The following CADM2 variants were observed in gnomAD, a reference collection of about 807,000 sequenced individuals.
CADM2 encodes the protein cell adhesion molecule 2, also known as immunoglobulin superfamily member 4D.
CADM2 carries 12 observed loss-of-function variants against 49.8 expected under a neutral mutation model. The observed-to-expected ratio is 0.24, with a 90% CI of 0.15 to 0.39. The LOEUF (loss-of-function observed/expected upper bound fraction) is 0.39, where lower values mean the gene tolerates loss of function less well. Ranked by LOEUF, CADM2 falls within the 10% of genes least tolerant of loss-of-function variation. The pLI is 1.00. For missense variants in CADM2, 378 were observed against 492.3 expected, an observed-to-expected ratio of 0.77 and a Z score of 2.20; for synonymous variants, 214 against 175.4, an observed-to-expected ratio of 1.22 and a Z score of -1.74.
intron 1 of CADM2, among the ~76,000 whole-genome samples, chr3:85,337,455 T>A (rs546640064): frequency 6.6e-6 from 1 of 151,440 alleles, no homozygotes; most frequent in Admixed American, 6.6e-5. Context: ...TTTCTTTATA[T>A]TGTGTGTAAT....
At chr3:85,913,396 A>G (rs898615304) in intron 6 of CADM2, among the ~76,000 whole-genome samples, 1 of 152,190 alleles carries the variant, frequency 6.6e-6, no homozygotes, top group African/African-American at 2.4e-5. Context: ...GATAATGAAG[A>G]TTTTGTTTTC....
chr3:85,258,036 A>C (rs1453653547), intron 1 of CADM2, among the ~76,000 whole-genome samples: 1 of 152,106 alleles, frequency 6.6e-6, no homozygotes, highest in East Asian at 1.9e-4. Context: ...GTATGTGGAA[A>C]TGTACAAGTG....
chr3:85,429,857 A>G (rs2036585488), intron 1 of CADM2, among the ~76,000 whole-genome samples: 1 of 152,166 alleles, frequency 6.6e-6, no homozygotes, highest in Non-Finnish European at 1.5e-5. Flanking sequence ...AAAATGTTAT[A>G]AAAGCATTAG....
intron 1 of CADM2, among the ~76,000 whole-genome samples, chr3:85,243,108 A>G (rs2042567937): frequency 6.6e-6 from 1 of 151,934 alleles, no homozygotes. Flanking sequence ...ATGTAATTAA[A>G]GAGACATTTG....
At chr3:85,576,947 G>T (rs1341061216) in intron 1 of CADM2, among the ~76,000 whole-genome samples, 5 of 151,852 alleles carry the variant, frequency 3.3e-5, no homozygotes, top group African/African-American at 4.8e-5. Context: ...GCAACAAATA[G>T]AACACAAATG....
At chr3:85,951,664 C>A (rs9784261) in intron 7 of CADM2, among the ~76,000 whole-genome samples, 5,068 of 150,934 alleles carry the variant, frequency 0.034, 284 homozygotes, top group African/African-American at 0.12. Flanking sequence ...CAACAAAAAA[C>A]CTCCAAGATA....
At chr3:85,971,662 C>T (rs1726157917) in intron 8 of CADM2, among the ~76,000 whole-genome samples, 1 of 151,600 alleles carries the variant, frequency 6.6e-6, no homozygotes, top group Non-Finnish European at 1.5e-5. Context: ...TAGGAAAGGG[C>T]TCACAATATT....
At chr3:85,300,118 G>A (rs904213729) in intron 1 of CADM2, among the ~76,000 whole-genome samples, 1 of 152,042 alleles carries the variant, frequency 6.6e-6, no homozygotes, top group Admixed American at 6.6e-5. Context: ...AGAGACTGGG[G>A]CTTATGGCTC....
At chr3:85,129,772 G>A (rs1291543225) in intron 1 of CADM2, among the ~76,000 whole-genome samples, 9 of 152,102 alleles carry the variant, frequency 5.9e-5, no homozygotes, top group Non-Finnish European at 1.3e-4. Context: ...CACACTTTAC[G>A]TAATTTGGCT....
intron 8 of CADM2, among the ~76,000 whole-genome samples, chr3:86,016,235 A>C (rs986515369): frequency 3.3e-5 from 5 of 152,130 alleles, no homozygotes; most frequent in Non-Finnish European, 5.9e-5. Flanking sequence ...GAGGGAAATA[A>C]TATATAAAAC....
intron 1 of CADM2, among the ~76,000 whole-genome samples, chr3:85,381,984 CT>C (rs547229208): frequency 3.2e-4 from 47 of 145,872 alleles, no homozygotes; most frequent in South Asian, 6.6e-4. Context: ...CTCACCAAGC[CT>C]TTTTTTTTTA....
chr3:85,815,513 G>A (rs1258029169), intron 3 of CADM2, among the ~76,000 whole-genome samples: 4 of 152,016 alleles, frequency 2.6e-5, no homozygotes, highest in Non-Finnish European at 5.9e-5. Context: ...TATCTCAATA[G>A]ATGCAAAAAA....
chr3:85,134,303 GC>G (rs2039346398), intron 1 of CADM2, among the ~76,000 whole-genome samples: 1 of 152,198 alleles, frequency 6.6e-6, no homozygotes, highest in Admixed American at 6.5e-5. Context: ...CCAGAAAGGG[GC>G]TCCCACAGTG....
intron 3 of CADM2, among the ~76,000 whole-genome samples, chr3:85,829,167 A>G (rs899196583): frequency 2.6e-5 from 4 of 152,004 alleles, no homozygotes; most frequent in Non-Finnish European, 5.9e-5. Flanking sequence ...AAGCAGAAAG[A>G]TGAGTAATTA....
chr3:85,919,917 C>T (rs116640195), intron 6 of CADM2, among the ~76,000 whole-genome samples: 144 of 151,968 alleles, frequency 9.5e-4, no homozygotes, highest in African/African-American at 3.3e-3. Flanking sequence ...TTCAGTTGTT[C>T]GTATCTTCTT....
At chr3:85,110,895 C>G (rs1055427242) in intron 1 of CADM2, among the ~76,000 whole-genome samples, 4 of 151,792 alleles carry the variant, frequency 2.6e-5, no homozygotes, top group Admixed American at 6.6e-5. Flanking sequence ...CTGTTTTAAG[C>G]TCACAAAGAA....
chr3:85,491,362 T>G (rs2039661338), intron 1 of CADM2, among the ~76,000 whole-genome samples: 1 of 151,934 alleles, frequency 6.6e-6, no homozygotes, highest in African/African-American at 2.4e-5. Flanking sequence ...GTTAAGGGAG[T>G]TGTTTGGTTT....
chr3:85,967,702 C>A (rs1013508899), intron 8 of CADM2, among the ~76,000 whole-genome samples: 1 of 151,510 alleles, frequency 6.6e-6, no homozygotes, highest in South Asian at 2.1e-4. Flanking sequence ...GCCCCTGCAA[C>A]GTGCATTTAC....
chr3:85,181,530 A>C (rs2040933210), intron 1 of CADM2, among the ~76,000 whole-genome samples: 1 of 152,080 alleles, frequency 6.6e-6, no homozygotes, highest in African/African-American at 2.4e-5. Flanking sequence ...CTTTCTGAGA[A>C]TCTGCCATGT....
Sources: gnomAD v4.1 joint callset for allele counts (sites outside exome capture counted in the v4.1 genomes callset) on GRCh38, gnomAD v4.1.1 for gene constraint, MANE v1.5 for transcripts, NCBI Gene and HGNC (gene_info 2026-07-23, HGNC 2026-07-21) for gene names.